The following GRK1 variants were observed in gnomAD, a reference collection of about 807,000 sequenced individuals.
GRK1 encodes the protein rhodopsin kinase GRK1.
In GRK1, 28 loss-of-function variants were observed where a neutral mutation model predicts 41.7. The observed-to-expected ratio is 0.67, with a 90% confidence interval of 0.50 to 0.92. The LOEUF (loss-of-function observed/expected upper bound fraction) is 0.92, where lower values mean the gene tolerates loss of function less well. Among genes scored for constraint, GRK1 ranks in the 40% least tolerant of loss-of-function variants. The pLI is 0.00. For missense variants in GRK1, 703 were observed against 671.2 expected (o/e 1.05, Z -0.52); for synonymous variants, 327 against 286.7 (o/e 1.14, Z -1.42).
chr13:113,658,162 C>T, the GRK1 span: 1 of 1,604,218 alleles, frequency 6.2e-7, no homozygotes, highest in African/African-American at 1.3e-5. Flanking sequence ...GGCCTGAGAT[C>T]CTCCCGTCTG....
upstream of GRK1, among the ~76,000 whole-genome samples, chr13:113,664,626 C>T (rs1228269268): frequency 1.3e-5 from 2 of 152,200 alleles, no homozygotes; most frequent in Non-Finnish European, 2.9e-5. This position sits in a 1 kb window ranked among gnomAD's most constrained non-coding sequence, Gnocchi z 5.4. Flanking sequence ...GGAACGGCCC[C>T]CAGTCCAACA....
At chr13:113,733,736 TATGTGTGCATAC>T (rs2049964633) in intron 6 of GRK1, among the ~76,000 whole-genome samples, 1 of 126,170 alleles carries the variant, frequency 7.9e-6, no homozygotes, top group Non-Finnish European at 1.8e-5. Flanking sequence ...CGCGCGTGTG[TATGTGTGCATAC>T]ATGTGTGTGC....
chr13:113,655,715 C>T, the GRK1 span, among the ~76,000 whole-genome samples: 638 of 152,330 alleles, frequency 4.2e-3, 6 homozygotes, highest in African/African-American at 0.015. Flanking sequence ...GTGTTTGCTA[C>T]GGCTTTTGTC....
intron 6 of GRK1, among the ~76,000 whole-genome samples, chr13:113,734,074 GTA>G (rs2049983985): frequency 1.3e-5 from 2 of 152,250 alleles, no homozygotes; most frequent in African/African-American, 2.4e-5. Context: ...GTGTGTGCGT[GTA>G]TGTGTGTGTG....
chr13:113,731,181 G>T lies in GRK1; in HGVS notation c.1070-38G>T, dbSNP rs777677424. On this transcript the variant is annotated intron_variant, in intron 4 of 6. Coordinates refer to ENST00000335678, the MANE Select transcript of GRK1 (RefSeq NM_002929.3). The surrounding 1 kb of genome is among the most constrained non-coding windows in gnomAD (Gnocchi z 5.6). The stretch of plus-strand genomic sequence containing the variant: ...CCTGGAGTGCGTGCCCACCATGGAG[G>T]TGACCACCTCTGAACCCGCAATGTC... 2.6e-6 allele frequency: 4 copies of T among 1,531,994 alleles called. No individual in the cohort carries two copies. The highest frequency in any genetic ancestry group is 1.4e-5 in the African/African-American group (1 of 72,942). The allele number at this position is 1,531,994 out of a possible 1,614,324, so 94.9% of individuals were successfully genotyped here.
At position 113,733,027 on chromosome 13, in the gene GRK1, C is replaced by A. The variant is rs758658855; in HGVS notation, c.1338C>A (p.Cys446Ter). ...GCCTGGGGTTCAGAGATGAGACCTG[C>A]GACAAGCTCCGTGCCCACCCCCTCT... The part of the protein sequence containing the change: ...EKRLGFRDET[C>*]DKLRAHPLFK... Residue 446 changes from cysteine (C) to a stop codon, truncating the protein, a stop_gained, in exon 6 of 7, where the codon TGC becomes TGA. Coordinates refer to ENST00000335678, the MANE Select transcript of GRK1 (RefSeq NM_002929.3). LOFTEE classifies it high-confidence loss of function. The A allele has an allele frequency of 5.9e-6, 9 of 1,536,946 alleles. No individual in the cohort carries two copies. The East Asian group carries it at 1.7e-4, about 29-fold the overall frequency.
At position 113,731,625 on chromosome 13, in the gene GRK1, C is replaced by T. The variant is rs184848513; in HGVS notation, c.1194+282C>T. Reference sequence around the variant, plus strand: ...AAGCAGACCCTCCCACCAGACAGCACGCCACCACTCAGCCTCTGAGGGCCC... The same window carrying T: ...AAGCAGACCCTCCCACCAGACAGCATGCCACCACTCAGCCTCTGAGGGCCC... On this transcript the variant is annotated intron_variant, in intron 5 of 6. Transcript: ENST00000335678. The surrounding 1 kb of genome is among the most constrained non-coding windows in gnomAD (Gnocchi z 5.6). 1.1e-4 allele frequency among the ~76,000 whole-genome samples: 17 copies of T among 152,310 alleles called. No individual in the cohort carries two copies. The highest frequency in any genetic ancestry group is 2.4e-4 in the African/African-American group (10 of 41,562).
At chr13:113,733,890 CGTGT>C (rs1195094143) in intron 6 of GRK1, among the ~76,000 whole-genome samples, 40 of 70,596 alleles carry the variant, frequency 5.7e-4, no homozygotes, top group South Asian at 2.0e-3. Flanking sequence ...TACGTGTGTG[CGTGT>C]GTGTATGTGT....
In GRK1 at chr13:113,671,770, G is replaced by A. The variant is rs1448989298; in HGVS notation, c.985+114G>A. 6 of 680,418 alleles carry A rather than the reference G, an allele frequency of 8.8e-6. No individual in the cohort carries two copies. The highest frequency in any genetic ancestry group is 7.0e-5 in the African/African-American group (4 of 56,796). 42.1% of individuals were successfully genotyped at this position (680,418 alleles called of 1,614,324 possible). A position where few individuals can be genotyped will look rare whatever the true frequency, so the allele number is the denominator to read the frequency against. On this transcript the variant is annotated intron_variant, in intron 3 of 6. Transcript: ENST00000335678. The surrounding 1 kb of genome is among the most constrained non-coding windows in gnomAD (Gnocchi z 4.1). ...GCTGACGGCTGTGTGGACGGTGGGG[G>A]TTCATGAGGGCTGACGGCTTCGTGG...
At chr13:113,653,779 A>T in the GRK1 span, among the ~76,000 whole-genome samples, 1 of 150,108 alleles carries the variant, frequency 6.7e-6, no homozygotes, top group Non-Finnish European at 1.5e-5. Flanking sequence ...AACATGCATT[A>T]AAAAAAATCT....
chr13:113,723,250 G>A (rs967059680), intron 4 of GRK1, 93 bp downstream of exon 4: 1 of 614,726 alleles, frequency 1.6e-6, no homozygotes, highest in African/African-American at 1.8e-5. Flanking sequence ...ATACATGTGA[G>A]TTTGTGTATA....
intron 4 of GRK1, among the ~76,000 whole-genome samples, chr13:113,723,842 G>C (rs550957165): frequency 1.3e-5 from 2 of 150,758 alleles, no homozygotes; most frequent in Non-Finnish European, 2.9e-5. Flanking sequence ...CTGTGCACAC[G>C]TGTCTGTGTG....
intron 4 of GRK1, among the ~76,000 whole-genome samples, chr13:113,726,890 T>C (rs1178775213): frequency 6.6e-6 from 1 of 152,146 alleles, no homozygotes; most frequent in Non-Finnish European, 1.5e-5. Context: ...TGCAACTCTT[T>C]TGGGGAAAAA....
At chr13:113,734,957 G>C (rs528140861) in intron 6 of GRK1, 111 bp from the exon 7 acceptor site, 1 of 1,068,600 alleles carries the variant, frequency 9.4e-7, no homozygotes, top group African/African-American at 1.6e-5. Context: ...AAGGAAGAGC[G>C]GCCCCAGGCC....
chr13:113,658,142 C>T, the GRK1 span: 1 of 1,611,732 alleles, frequency 6.2e-7, no homozygotes, highest in Non-Finnish European at 8.5e-7. Flanking sequence ...GCAGAGCCGC[C>T]ATCGTCCCTG....
In GRK1 at chr13:113,735,313, T is replaced by A. The variant is rs576531462; in HGVS notation, c.1642T>A (p.Ser548Thr). The change falls in exon 7 of 7, where the codon TCC (serine) becomes ACC (threonine). Residue 548 changes from serine (S) to threonine (T), a missense_variant. Physicochemically the swap from Ser to Thr is moderately conservative, Grantham distance 58. Coordinates refer to ENST00000335678, the MANE Select transcript of GRK1 (RefSeq NM_002929.3). ...GQMPDDMKGISGGSSSSSKSG... is the reference protein window; with the variant it reads ...GQMPDDMKGITGGSSSSSKSG... Reference sequence around the variant, plus strand: ...GATGCCGGACGACATGAAGGGCATCTCCGGGGGCTCCAGCTCCTCGTCCAA... The same window carrying A: ...GATGCCGGACGACATGAAGGGCATCACCGGGGGCTCCAGCTCCTCGTCCAA... 32 of 1,530,568 alleles carry A rather than the reference T, an allele frequency of 2.1e-5. No homozygotes were observed. Among genetic ancestry groups the A allele is most frequent in the Non-Finnish European group, 2.8e-5 (32 of 1,142,274 alleles). The allele number at this position is 1,530,568 out of a possible 1,614,324, so 94.8% of individuals were successfully genotyped here. A position where few individuals can be genotyped will look rare whatever the true frequency, so the allele number is the denominator to read the frequency against.
chr13:113,668,752 C>A lies in GRK1; in HGVS notation c.699+667C>A, dbSNP rs2049836968. Reference sequence around the variant, plus strand: ...CGGCTGTGCCGGGTGTGGACGTGATCTCCTGAGCCAGCCCCCTGCACTTTG... The same window carrying A: ...CGGCTGTGCCGGGTGTGGACGTGATATCCTGAGCCAGCCCCCTGCACTTTG... On this transcript the variant is annotated intron_variant, in intron 1 of 6. Transcript: ENST00000335678. Among the ~76,000 whole-genome samples, 6 of 152,266 alleles carry A rather than the reference C, an allele frequency of 3.9e-5. No homozygotes were observed. The South Asian group carries it at 1.2e-3, about 31-fold the overall frequency.
At chr13:113,668,168 C>T in intron 1 of GRK1, 83 bp downstream of exon 1, 1 of 1,408,338 alleles carries the variant, frequency 7.1e-7, no homozygotes. Context: ...CCCCAGGTCA[C>T]TGTCGGCTCC....
At chr13:113,649,462 C>T in the GRK1 span, 1 of 1,565,512 alleles carries the variant, frequency 6.4e-7, no homozygotes, top group Non-Finnish European at 8.7e-7. The surrounding 1 kb of genome is among the most constrained non-coding windows in gnomAD (Gnocchi z 4.7). Context: ...CATGACCTTG[C>T]ACACGATGGC....
Sources: allele counts gnomAD v4.1 joint callset (sites outside exome capture counted in the v4.1 genomes callset), GRCh38; gene constraint gnomAD v4.1.1; non-coding constraint Gnocchi (gnomAD v3.1); transcripts MANE v1.5; gene names NCBI Gene and HGNC (gene_info 2026-07-23, HGNC 2026-07-21).